Variants in MFSD11 observed in about 807,000 individuals in gnomAD.
MFSD11 encodes the protein UNC93-like protein MFSD11.
A neutral mutation model predicts 53.5 loss-of-function variants in MFSD11; 36 were observed. That is an observed-to-expected ratio of 0.67 (90% CI 0.52 to 0.89). MFSD11 has a LOEUF of 0.89. Among genes scored for constraint, MFSD11 ranks in the 40% least tolerant of loss-of-function variants. The pLI, the probability that MFSD11 is intolerant of heterozygous loss-of-function variation, is 0.00. For missense variants in MFSD11, 530 were observed against 543.9 expected, an observed-to-expected ratio of 0.97 and a Z score of 0.25; for synonymous variants, 186 against 184.9, an observed-to-expected ratio of 1.01 and a Z score of -0.05.
chr17:76,775,814 A>G (rs1241661323), intron 11 of MFSD11, among the ~76,000 whole-genome samples: 2 of 152,190 alleles, frequency 1.3e-5, no homozygotes, highest in African/African-American at 4.8e-5. Flanking sequence ...ATGTTCCAAA[A>G]TCTGAAAAGA....
rs776839329 is a variant in MFSD11 at position 76,778,247 on chromosome 17, C to T, written c.1245C>T (p.Leu415=). ...YSNYLLLHWQ[L]LVMVIFGFFG... ...ACTACCTTCTCCTTCACTGGCAACT[C>T]CTGGTCATGGTGATATTTGGGTTTT... The change falls in exon 13 of 13, where the codon CTC becomes CTT. Residue 415 remains leucine (L), a synonymous_variant. Coordinates refer to ENST00000685175, the MANE Select transcript of MFSD11 (RefSeq NM_001242532.5). 1 of 1,614,148 alleles carries T rather than the reference C, an allele frequency of 6.2e-7. No homozygotes were observed. Among genetic ancestry groups the T allele is most frequent in the Non-Finnish European group, 8.5e-7 (1 of 1,180,012 alleles).
the MFSD11 span, among the ~76,000 whole-genome samples, chr17:76,789,672 T>C: frequency 6.7e-6 from 1 of 150,068 alleles, no homozygotes; most frequent in South Asian, 2.2e-4. Context: ...CCTGACGACC[T>C]GATAGGGGCC....
intron 8 of MFSD11, among the ~76,000 whole-genome samples, chr17:76,760,571 C>T (rs991143255): frequency 6.6e-6 from 1 of 151,822 alleles, no homozygotes; most frequent in African/African-American, 2.4e-5. Flanking sequence ...GCTCTTGTCA[C>T]CCAGGCTGGA....
chr17:76,769,952 T>G, intron 10 of MFSD11, 81 bp downstream of exon 10: 1 of 1,319,630 alleles, frequency 7.6e-7, no homozygotes, highest in Non-Finnish European at 1.1e-6. Flanking sequence ...TGCTTCACCT[T>G]TGTCCTTGAA....
At chr17:76,763,558 C>CA (rs2080500570) in intron 8 of MFSD11, among the ~76,000 whole-genome samples, 3 of 151,958 alleles carry the variant, frequency 2.0e-5, no homozygotes, top group Non-Finnish European at 4.4e-5. Flanking sequence ...GCCACCGTGC[C>CA]CGGCCCTAGT....
In MFSD11 at chr17:76,741,992, A is replaced by T; in HGVS notation, c.284A>T (p.Gln95Leu). ...FYSMYIAVFI[Q>L]PFPWSFYTAS... Reference sequence around the variant, plus strand: ...AGCATGTACATTGCCGTTTTCATCCAGCCTTTCCCGTGGTCCTTCTACACA... The same window carrying T: ...AGCATGTACATTGCCGTTTTCATCCTGCCTTTCCCGTGGTCCTTCTACACA... The change falls in exon 4 of 13, where the codon CAG (glutamine) becomes CTG (leucine). Residue 95 changes from glutamine (Q) to leucine (L), a missense_variant. Transcript: ENST00000685175. 1 of 1,614,160 alleles carries T rather than the reference A, an allele frequency of 6.2e-7. No homozygotes were observed. Among genetic ancestry groups the T allele is most frequent in the Non-Finnish European group, 8.5e-7 (1 of 1,180,020 alleles).
the MFSD11 span, among the ~76,000 whole-genome samples, chr17:76,796,565 G>C: frequency 6.6e-6 from 1 of 152,106 alleles, no homozygotes; most frequent in Non-Finnish European, 1.5e-5. Context: ...GACACTACCA[G>C]GAGTTAGCAC....
At chr17:76,761,357 T>C (rs1406642829) in intron 8 of MFSD11, among the ~76,000 whole-genome samples, 1 of 152,202 alleles carries the variant, frequency 6.6e-6, no homozygotes, top group Non-Finnish European at 1.5e-5. Context: ...TAATTAAATA[T>C]TGTGGCAAGA....
the MFSD11 span, among the ~76,000 whole-genome samples, chr17:76,797,406 A>T: frequency 2.0e-5 from 3 of 152,124 alleles, no homozygotes; most frequent in African/African-American, 7.2e-5. Flanking sequence ...GGGCATTGCC[A>T]CGGCATTTGT....
chr17:76,736,793 G>T, upstream of MFSD11: 1 of 1,542,942 alleles, frequency 6.5e-7, no homozygotes. Context: ...CCTCAGCCCC[G>T]TTTACCTGCG....
At chr17:76,774,152 C>T (rs2081611958) in intron 10 of MFSD11, among the ~76,000 whole-genome samples, 1 of 152,018 alleles carries the variant, frequency 6.6e-6, no homozygotes, top group East Asian at 1.9e-4. Flanking sequence ...TCTCGAACTC[C>T]TGACCTCGGG....
intron 2 of MFSD11, among the ~76,000 whole-genome samples, chr17:76,739,728 C>G (rs771866182): frequency 3.9e-5 from 6 of 152,162 alleles, no homozygotes; most frequent in Non-Finnish European, 7.3e-5. Context: ...CCCCGCCCCC[C>G]ACAAACCCAT....
In MFSD11 at chr17:76,738,232, C is replaced by G; in HGVS notation, c.-121C>G. ...AACTGGAAGTTGACAGCTTGGCTGC[C>G]TGGCTCCTGCATCTGCCTTCTCCAC... is the stretch of plus-strand genomic sequence containing the variant. On this transcript the variant is annotated 5_prime_UTR_variant, in exon 1 of 13. Coordinates refer to ENST00000685175, the MANE Select transcript of MFSD11 (RefSeq NM_001242532.5). The G allele has an allele frequency of 1.5e-6, 1 of 666,852 alleles. No individual in the cohort carries two copies. Among genetic ancestry groups the G allele is most frequent in the Non-Finnish European group, 2.6e-6 (1 of 379,344 alleles). The allele number at this position is 666,852 out of a possible 1,614,324, so 41.3% of individuals were successfully genotyped here.
At position 76,778,494 on chromosome 17, in the gene MFSD11, C is replaced by A; in HGVS notation, c.*142C>A. 2 of 759,828 alleles carry A rather than the reference C, an allele frequency of 2.6e-6. No homozygotes were observed. Among genetic ancestry groups the A allele is most frequent in the Non-Finnish European group, 2.1e-6 (1 of 483,504 alleles). 47.1% of individuals were successfully genotyped at this position (759,828 alleles called of 1,614,324 possible). A position where few individuals can be genotyped will look rare whatever the true frequency, so the allele number is the denominator to read the frequency against. ...CAAGGGATTAAGACTGTTAAATCAGCCAGAGTTGGTGTTCAAGTTTACAGA... is the reference window on the plus strand; with the variant it reads ...CAAGGGATTAAGACTGTTAAATCAGACAGAGTTGGTGTTCAAGTTTACAGA... On this transcript the variant is annotated 3_prime_UTR_variant, in exon 13 of 13. Transcript: ENST00000685175.
Position 76,767,464 on chromosome 17 carries a change from C to G in MFSD11, c.748+13C>G. 1 of 1,510,024 alleles carries G rather than the reference C, an allele frequency of 6.6e-7. No individual in the cohort carries two copies. Among genetic ancestry groups the G allele is most frequent in the Non-Finnish European group, 9.2e-7 (1 of 1,092,296 alleles). 93.5% of individuals were successfully genotyped at this position (1,510,024 alleles called of 1,614,324 possible). On this transcript the variant is annotated intron_variant, in intron 9 of 12. Coordinates refer to ENST00000685175, the MANE Select transcript of MFSD11 (RefSeq NM_001242532.5). ...ACTGCTTATACAGGTAATGGAATTA[C>G]TGTTCTTATTTTCTCTTGCTGCATA...
Position 76,767,381 on chromosome 17 carries a change from T to C in MFSD11, c.683-5T>C. 6.3e-7 allele frequency: 1 copy of C among 1,578,058 alleles called. No individual in the cohort carries two copies. Among genetic ancestry groups the C allele is most frequent in the Non-Finnish European group, 8.7e-7 (1 of 1,151,684 alleles). On this transcript the variant is annotated splice_polypyrimidine_tract_variant and splice_region_variant and intron_variant, in intron 8 of 12. Coordinates refer to ENST00000685175, the MANE Select transcript of MFSD11 (RefSeq NM_001242532.5). ...TTAAGTACTCTTAAATTTTTGTGTTTACAGAAAAGTCTTTTAAGTTATGTG... is the reference window on the plus strand; with the variant it reads ...TTAAGTACTCTTAAATTTTTGTGTTCACAGAAAAGTCTTTTAAGTTATGTG...
At chr17:76,761,234 T>TGTA (rs995035218) in intron 8 of MFSD11, among the ~76,000 whole-genome samples, 5 of 152,122 alleles carry the variant, frequency 3.3e-5, no homozygotes, top group African/African-American at 1.2e-4. Context: ...GATATATACT[T>TGTA]GTAGTACTTT....
rs2081704951 is a variant in MFSD11, at chr17:76,775,165, A to G, written c.1043A>G (p.Lys348Arg). ...GGAACTGACAGCAGTGCTTACATCA[A>G]ATCCAGGTATAGTGGCTGTCATTTC... ...VKGTDSSAYI[K>R]SSKEVAILCS... Residue 348 changes from lysine to arginine, a missense_variant, in exon 11 of 13, where the codon AAA becomes AGA. Lys to Arg is a conservative substitution (Grantham distance 26, BLOSUM62 2). Transcript: ENST00000685175. The G allele has an allele frequency of 6.2e-7, 1 of 1,613,640 alleles. No individual in the cohort carries two copies. The highest frequency in any genetic ancestry group is 1.7e-4 in the Middle Eastern group (1 of 6,004).
intron 11 of MFSD11, 143 bp downstream of exon 11, chr17:76,775,314 C>CT (rs2081722815): frequency 1.5e-6 from 1 of 652,728 alleles, no homozygotes; most frequent in Non-Finnish European, 2.4e-6. Flanking sequence ...TGGAGTCAGA[C>CT]TGAGTTTAAA....
Sources: allele counts gnomAD v4.1 joint callset (sites outside exome capture counted in the v4.1 genomes callset), GRCh38; gene constraint gnomAD v4.1.1; transcripts MANE v1.5; gene names NCBI Gene and HGNC (gene_info 2026-07-23, HGNC 2026-07-21).